Variants in MPP7 observed in about 807,000 individuals in gnomAD.
The protein encoded by MPP7 is MAGUK p55 scaffold protein 7.
MPP7 carries 60 observed loss-of-function variants against 76.5 expected under a neutral mutation model. The ratio of observed to expected loss-of-function variants is 0.78; its 90% CI spans 0.64 to 0.97. The LOEUF (loss-of-function observed/expected upper bound fraction) is 0.97. Ranked by LOEUF, MPP7 falls within the 50% of genes least tolerant of loss-of-function variation. The pLI is 0.00. For synonymous variants in MPP7, 237 were observed against 244.5 expected (o/e 0.97, Z 0.29); for missense variants, 641 against 694.0 (o/e 0.92, Z 0.86).
intron 1 of MPP7, among the ~76,000 whole-genome samples, chr10:28,284,445 A>G (rs1449375831): frequency 6.6e-6 from 1 of 152,214 alleles, no homozygotes; most frequent in African/African-American, 2.4e-5. Flanking sequence ...AGGCAGCATT[A>G]GCAGGAAGAA....
chr10:28,130,595 G>A (rs1431513026), intron 6 of MPP7, among the ~76,000 whole-genome samples: 3 of 152,168 alleles, frequency 2.0e-5, no homozygotes, highest in Admixed American at 6.5e-5. Flanking sequence ...TGATTCTCAC[G>A]ACTGGGGCTC....
At chr10:28,166,471 A>G (rs1836465521) in intron 3 of MPP7, among the ~76,000 whole-genome samples, 1 of 143,052 alleles carries the variant, frequency 7.0e-6, no homozygotes, top group South Asian at 2.2e-4. Flanking sequence ...GCAGTGGTGC[A>G]ATCTCGGCTC....
At chr10:28,299,528 C>A (rs538693911) in intron 1 of MPP7, among the ~76,000 whole-genome samples, 2 of 152,144 alleles carry the variant, frequency 1.3e-5, no homozygotes, top group East Asian at 3.9e-4. Flanking sequence ...GACAGAATAA[C>A]AATGAAAAGT....
intron 7 of MPP7, 75 bp downstream of exon 7, chr10:28,124,935 T>C (rs112738700): frequency 4.1e-6 from 5 of 1,206,438 alleles, no homozygotes; most frequent in Non-Finnish European, 6.2e-6. Context: ...ATGGTTATCC[T>C]CTTAGTTATC....
chr10:28,160,334 G>A (rs569141436), intron 3 of MPP7, among the ~76,000 whole-genome samples: 1 of 152,268 alleles, frequency 6.6e-6, no homozygotes, highest in South Asian at 2.1e-4. Flanking sequence ...GTGTACCATG[G>A]TTAAGATTTA....
chr10:28,086,529 G>A (rs948413697), intron 12 of MPP7, among the ~76,000 whole-genome samples: 4 of 152,174 alleles, frequency 2.6e-5, no homozygotes, highest in African/African-American at 4.8e-5. Flanking sequence ...TCAGACAGGA[G>A]AAGCGAAAAT....
At chr10:28,288,918 G>A (rs1046149505) in intron 1 of MPP7, among the ~76,000 whole-genome samples, 7 of 152,140 alleles carry the variant, frequency 4.6e-5, no homozygotes, top group South Asian at 2.1e-4. Flanking sequence ...TCGGGTGTGA[G>A]GTTAGAAGAC....
rs756251358 is a variant in MPP7, at chr10:28,102,792, T to C, written c.953-12951A>G. Among the ~76,000 whole-genome samples the C allele has an allele frequency of 1.4e-4, 22 of 152,290 alleles. No individual in the cohort carries two copies. In the East Asian group the frequency reaches 2.5e-3, roughly 17 times the overall value. On this transcript the variant is annotated intron_variant, in intron 11 of 16. Transcript: ENST00000683449. ...TTTCTCACCACCTCCACAGATAATATCTGCTTCCAGCCACCATCATCATCT... is the reference window on the plus strand; with the variant it reads ...TTTCTCACCACCTCCACAGATAATACCTGCTTCCAGCCACCATCATCATCT...
chr10:28,169,590 T>C (rs1010242864), intron 3 of MPP7, among the ~76,000 whole-genome samples: 2 of 152,212 alleles, frequency 1.3e-5, no homozygotes, highest in African/African-American at 4.8e-5. Flanking sequence ...TGTGAACAAG[T>C]ATCACTCTCC....
chr10:28,242,502 T>C (rs903415411), intron 1 of MPP7, among the ~76,000 whole-genome samples: 6 of 152,220 alleles, frequency 3.9e-5, no homozygotes, highest in Admixed American at 6.5e-5. Context: ...AGGCAACATA[T>C]ACTAAGTGGC....
At chr10:28,148,152 G>A (rs577543583) in intron 4 of MPP7, among the ~76,000 whole-genome samples, 45 of 152,258 alleles carry the variant, frequency 3.0e-4, no homozygotes, top group African/African-American at 9.6e-4. Flanking sequence ...TGTAAAATGA[G>A]CTATAATGGG....
intron 3 of MPP7, among the ~76,000 whole-genome samples, chr10:28,184,108 TAA>T: frequency 6.7e-6 from 1 of 150,178 alleles, no homozygotes; most frequent in Admixed American, 6.7e-5. Flanking sequence ...TATTTATATA[TAA>T]AGACAATATA....
chr10:28,089,910 C>A (rs1371102924), intron 11 of MPP7, 69 bp from the exon 12 acceptor site: 15 of 785,454 alleles, frequency 1.9e-5, no homozygotes, highest in Non-Finnish European at 2.3e-5. Flanking sequence ...AAAAAAAAAA[C>A]CCTCAGAGTT....
chr10:28,151,126 A>G (rs1835870363), intron 3 of MPP7, among the ~76,000 whole-genome samples: 1 of 152,206 alleles, frequency 6.6e-6, no homozygotes, highest in Non-Finnish European at 1.5e-5. Context: ...CCATTGTAAA[A>G]GTCTGGAAGA....
chr10:28,121,215 G>A (rs1033630544), intron 8 of MPP7, among the ~76,000 whole-genome samples: 2 of 151,720 alleles, frequency 1.3e-5, no homozygotes, highest in Non-Finnish European at 2.9e-5. Context: ...CAAGGCTGCG[G>A]TGAGCTGTGA....
At chr10:28,281,253 T>C (rs1465975266) in intron 1 of MPP7, among the ~76,000 whole-genome samples, 1 of 151,958 alleles carries the variant, frequency 6.6e-6, no homozygotes, top group Non-Finnish European at 1.5e-5. Context: ...CAAATTTTTG[T>C]ATTTTTTGTA....
intron 3 of MPP7, among the ~76,000 whole-genome samples, chr10:28,190,901 A>C (rs1353225357): frequency 1.3e-5 from 2 of 152,074 alleles, no homozygotes; most frequent in African/African-American, 4.8e-5. Context: ...ATAGCCAGGG[A>C]AAAAAGAGAT....
chr10:28,329,630 C>CAA (rs10547710), intron 2 of MPP7, among the ~76,000 whole-genome samples: 238 of 106,208 alleles, frequency 2.2e-3, no homozygotes, highest in African/African-American at 6.7e-3. Flanking sequence ...GACTCCGTCT[C>CAA]AAAAAAAAAA....
chr10:28,189,333 C>A (rs750652514), intron 3 of MPP7, among the ~76,000 whole-genome samples: 4 of 151,662 alleles, frequency 2.6e-5, no homozygotes, highest in African/African-American at 9.7e-5. Context: ...GAGGCTAAGG[C>A]GGGAGGATCA....
Sources: gnomAD v4.1 joint callset for allele counts (sites outside exome capture counted in the v4.1 genomes callset) on GRCh38, gnomAD v4.1.1 for gene constraint, MANE v1.5 for transcripts, NCBI Gene and HGNC (gene_info 2026-07-23, HGNC 2026-07-21) for gene names.